The following KAZN variants were observed in gnomAD, a reference collection of about 807,000 sequenced individuals.
KAZN encodes kazrin.
In KAZN, 40 loss-of-function variants were observed where a neutral mutation model predicts 87.4. The ratio of observed to expected loss-of-function variants is 0.46; its 90% CI spans 0.36 to 0.60. The LOEUF (loss-of-function observed/expected upper bound fraction) is 0.60, where lower values mean the gene tolerates loss of function less well. KAZN is among the 20% of genes least tolerant of loss of function. KAZN has a pLI of 0.00. For missense variants in KAZN, 898 were observed against 1,073.9 expected, an observed-to-expected ratio of 0.84 and a Z score of 2.29; for synonymous variants, 466 against 458.3, an observed-to-expected ratio of 1.02 and a Z score of -0.22.
At chr1:14,570,916 T>C (rs1674824201) in intron 2 of KAZN, among the ~76,000 whole-genome samples, 1 of 152,178 alleles carries the variant, frequency 6.6e-6, no homozygotes, top group Non-Finnish European at 1.5e-5. Context: ...TTCATATCTC[T>C]TACTTACTCC....
rs542323897 is a variant in KAZN, at chr1:14,704,234, T to C, written c.226+105011T>C. On this transcript the variant is annotated intron_variant, in intron 1 of 14. Coordinates refer to ENST00000376030, the MANE Select transcript of KAZN (RefSeq NM_201628.3). Reference sequence around the variant, plus strand: ...AAGAATAGGGAAGAAGTGTCTCCCATTCAAGGGGATTTTGTTACCCAACCA... The same window carrying C: ...AAGAATAGGGAAGAAGTGTCTCCCACTCAAGGGGATTTTGTTACCCAACCA... Among the ~76,000 whole-genome samples the C allele has an allele frequency of 2.6e-5, 4 of 152,304 alleles. No homozygotes were observed. In the East Asian group the frequency reaches 7.7e-4, roughly 29 times the overall value.
Position 14,306,500 on chromosome 1 carries a change from T to C in KAZN, c.249+125908T>C, listed in dbSNP as rs542618745. 2.0e-5 allele frequency among the ~76,000 whole-genome samples: 3 copies of C among 152,274 alleles called. No homozygotes were observed. The South Asian group carries it at 6.2e-4, about 32-fold the overall frequency. On this transcript the variant is annotated intron_variant, in intron 2 of 16. Coordinates refer to the KAZN transcript ENST00000636203. ...GGGTGGAGTGGGCTTTCTCTCCCTT[T>C]GCTCTTTCCTGATTCTAACCTATCT...
chr1:14,540,285 A>T (rs1672732196), intron 2 of KAZN, among the ~76,000 whole-genome samples: 1 of 152,168 alleles, frequency 6.6e-6, no homozygotes, highest in Non-Finnish European at 1.5e-5. Flanking sequence ...TAAATGTTGA[A>T]TACCCCTGCA....
At chr1:13,999,709 G>A (rs1639694213) in intron 1 of KAZN, among the ~76,000 whole-genome samples, 1 of 152,056 alleles carries the variant, frequency 6.6e-6, no homozygotes, top group Non-Finnish European at 1.5e-5. Flanking sequence ...AATCAGAGCA[G>A]AATTGAAGGA....
Position 14,887,060 on chromosome 1 carries a change from A to T in KAZN, c.227-73624A>T, listed in dbSNP as rs1654150167. On this transcript the variant is annotated intron_variant, in intron 1 of 14. Transcript: ENST00000376030. ...GTGGTTGTGAGGATTAAATGGGATT[A>T]TTTACTTATTCATTTATTTGTTGCA... 2.0e-5 allele frequency among the ~76,000 whole-genome samples: 3 copies of T among 152,204 alleles called. No homozygotes were observed. In the South Asian group the frequency reaches 6.2e-4, roughly 32 times the overall value.
At chr1:13,946,879 T>C (rs1433117747) in intron 1 of KAZN, among the ~76,000 whole-genome samples, 7 of 148,438 alleles carry the variant, frequency 4.7e-5, no homozygotes, top group Middle Eastern at 3.3e-3. Context: ...ACAAACTTAG[T>C]GGCTTACAAC....
intron 2 of KAZN, among the ~76,000 whole-genome samples, chr1:14,508,573 G>A (rs566755109): frequency 1.2e-4 from 18 of 152,244 alleles, no homozygotes; most frequent in Admixed American, 9.2e-4. Context: ...CAGCAACCTG[G>A]TGGAATCACC....
chr1:14,218,046 A>G (rs1168033257), intron 2 of KAZN, among the ~76,000 whole-genome samples: 1 of 152,098 alleles, frequency 6.6e-6, no homozygotes, highest in Non-Finnish European at 1.5e-5. Context: ...AATAAACCAA[A>G]TTAACTAGAG....
At chr1:14,654,056 C>T (rs1046840502) in intron 1 of KAZN, among the ~76,000 whole-genome samples, 5 of 152,152 alleles carry the variant, frequency 3.3e-5, no homozygotes, top group African/African-American at 4.8e-5. Context: ...GAGGCCAAGG[C>T]GGGCGTATCG....
At chr1:13,897,732 G>T (rs1475539647) in intron 1 of KAZN, among the ~76,000 whole-genome samples, 1 of 152,152 alleles carries the variant, frequency 6.6e-6, no homozygotes, top group African/African-American at 2.4e-5. Flanking sequence ...GCTCAAAAAA[G>T]GCAATTCCAC....
intron 13 of KAZN, 196 bp from the exon 14 acceptor site, chr1:15,112,231 C>T: frequency 1.7e-6 from 1 of 588,538 alleles, no homozygotes; most frequent in Non-Finnish European, 3.1e-6. Context: ...TCCCAAGCCC[C>T]AGGCATGTTG....
chr1:14,297,494 A>G lies in KAZN; in HGVS notation c.249+116902A>G, dbSNP rs16853901. Among the ~76,000 whole-genome samples, 1,211 of 152,232 alleles carry G rather than the reference A, an allele frequency of 8.0e-3. 17 individuals carry two copies. The highest frequency in any genetic ancestry group is 0.027 in the African/African-American group (1,135 of 41,552). On this transcript the variant is annotated intron_variant, in intron 2 of 16. Coordinates refer to the KAZN transcript ENST00000636203. The stretch of plus-strand genomic sequence containing the variant: ...ACAGGCAAAGGAGAAGAGGGCTGAG[A>G]GTGATTTGGGAGAGCCAGCTGCAGG...
intron 2 of KAZN, among the ~76,000 whole-genome samples, chr1:14,397,403 T>C (rs1345366107): frequency 1.3e-5 from 2 of 152,164 alleles, no homozygotes; most frequent in African/African-American, 4.8e-5. Context: ...GTCTCTTCTT[T>C]TTCATGTAAG....
chr1:14,418,497 G>A (rs931825225), intron 2 of KAZN, among the ~76,000 whole-genome samples: 1 of 152,174 alleles, frequency 6.6e-6, no homozygotes, highest in Non-Finnish European at 1.5e-5. Flanking sequence ...AAGTTTTCGG[G>A]TGGGAAGTGA....
intron 2 of KAZN, among the ~76,000 whole-genome samples, chr1:14,553,190 CAT>C (rs1314912848): frequency 6.6e-6 from 1 of 152,154 alleles, no homozygotes; most frequent in Admixed American, 6.5e-5. Flanking sequence ...GCCTGGCCAA[CAT>C]AGCAAAACCT....
intron 1 of KAZN, among the ~76,000 whole-genome samples, chr1:13,918,979 A>G (rs1411237868): frequency 1.3e-5 from 2 of 152,094 alleles, no homozygotes; most frequent in Non-Finnish European, 2.9e-5. Context: ...GAGATTAGAT[A>G]GTGGGCCTTC....
intron 1 of KAZN, among the ~76,000 whole-genome samples, chr1:14,137,785 T>A (rs1024003659): frequency 7.0e-5 from 10 of 143,474 alleles, no homozygotes; most frequent in Non-Finnish European, 1.4e-4. Flanking sequence ...CTCAGCTCAC[T>A]GCAACCTCCT....
intron 2 of KAZN, among the ~76,000 whole-genome samples, chr1:14,205,021 C>T (rs1447926678): frequency 6.6e-6 from 1 of 152,182 alleles, no homozygotes; most frequent in Non-Finnish European, 1.5e-5. Flanking sequence ...ATTATGTGGC[C>T]TTCCATGCAG....
chr1:15,053,875 T>G (rs1240387900), intron 4 of KAZN, among the ~76,000 whole-genome samples: 1 of 152,156 alleles, frequency 6.6e-6, no homozygotes, highest in Non-Finnish European at 1.5e-5. Flanking sequence ...GCCTCTGCGG[T>G]ATGGATTTCT....
Sources: allele counts gnomAD v4.1 joint callset (sites outside exome capture counted in the v4.1 genomes callset), GRCh38; gene constraint gnomAD v4.1.1; transcripts MANE v1.5; gene names NCBI Gene and HGNC (gene_info 2026-07-23, HGNC 2026-07-21).